The following SWT1 variants were observed in gnomAD, a reference collection of about 807,000 sequenced individuals.
SWT1 encodes SWT1 RNA endoribonuclease homolog.
Under a neutral mutation model 107.3 loss-of-function variants are expected in SWT1, and 33 were observed. That is an observed-to-expected ratio of 0.31 (90% CI 0.23 to 0.41). SWT1 has a LOEUF of 0.41. SWT1 is among the 10% of genes least tolerant of loss of function. The pLI, the probability that SWT1 is intolerant of heterozygous loss-of-function variation, is 1.00. For synonymous variants in SWT1, 345 were observed against 348.3 expected (o/e 0.99, Z 0.11); for missense variants, 898 against 1,028.9 (o/e 0.87, Z 1.74).
At chr1:185,178,596 C>G (rs143828551) in intron 5 of SWT1, among the ~76,000 whole-genome samples, 2 of 151,850 alleles carry the variant, frequency 1.3e-5, no homozygotes, top group South Asian at 4.2e-4. Context: ...CTGGATTGTT[C>G]GGTGGTGGAA....
intron 15 of SWT1, among the ~76,000 whole-genome samples, chr1:185,225,915 G>A (rs1457802019): frequency 2.0e-5 from 3 of 152,110 alleles, no homozygotes; most frequent in African/African-American, 7.2e-5. Flanking sequence ...CTATCTACTG[G>A]CTTTATAACC....
At chr1:185,237,843 A>T (rs1171168965) in intron 16 of SWT1, among the ~76,000 whole-genome samples, 1 of 152,174 alleles carries the variant, frequency 6.6e-6, no homozygotes, top group East Asian at 1.9e-4. Flanking sequence ...TTTAGCATGT[A>T]TTGCTTACAT....
intron 16 of SWT1, among the ~76,000 whole-genome samples, chr1:185,260,141 C>G (rs1255216413): frequency 1.3e-5 from 2 of 151,928 alleles, no homozygotes; most frequent in African/African-American, 4.8e-5. Context: ...TTAGGTGGTA[C>G]CAAATAGATA....
rs1446842164 is a variant in SWT1 at position 185,184,877 on chromosome 1, A to G, written c.1375A>G (p.Asn459Asp). The G allele has an allele frequency of 6.5e-7, 1 of 1,542,084 alleles. No homozygotes were observed. Among genetic ancestry groups the G allele is most frequent in the African/African-American group, 1.4e-5 (1 of 70,686 alleles). ...AVHFINDSLKNQDRKLWGQSI... is the reference protein window; with the variant it reads ...AVHFINDSLKDQDRKLWGQSI... ...TCATTTCATCAACGACAGTCTCAAA[A>G]ATCAAGATAGAAAGCTATGGGGTCA... Residue 459 changes from asparagine to aspartate, a missense_variant, in exon 9 of 19, where the codon AAT (asparagine) becomes GAT (aspartate). This residue lies in a region of SWT1 where 34 missense variants were observed against 50.2 expected (regional missense o/e 0.68). Coordinates refer to ENST00000367500, the MANE Select transcript of SWT1 (RefSeq NM_017673.7).
At chr1:185,187,486 G>A (rs1656591343) in intron 9 of SWT1, among the ~76,000 whole-genome samples, 1 of 151,868 alleles carries the variant, frequency 6.6e-6, no homozygotes, top group South Asian at 2.1e-4. Flanking sequence ...TCATTTGTTT[G>A]CCAAGTATTT....
intron 14 of SWT1, among the ~76,000 whole-genome samples, chr1:185,219,110 T>A (rs531593542): frequency 1.3e-5 from 2 of 152,320 alleles, no homozygotes; most frequent in East Asian, 3.9e-4. Context: ...AAATTCAGAA[T>A]TTAAGGTAAA....
intron 7 of SWT1, among the ~76,000 whole-genome samples, chr1:185,182,613 C>T (rs1656107874): frequency 7.4e-6 from 1 of 135,920 alleles, no homozygotes. Context: ...TGCAGTGTGC[C>T]AAGATTGTGC....
chr1:185,201,146 G>T (rs1010372890), intron 10 of SWT1, among the ~76,000 whole-genome samples: 1 of 152,116 alleles, frequency 6.6e-6, no homozygotes, highest in African/African-American at 2.4e-5. Context: ...TGCTGTGCTG[G>T]CAGCAAGAAT....
At chr1:185,158,496 C>A (rs976546513) in intron 1 of SWT1, among the ~76,000 whole-genome samples, 27 of 149,784 alleles carry the variant, frequency 1.8e-4, no homozygotes, top group Non-Finnish European at 2.5e-4. Context: ...TCCAATAATT[C>A]TTGTTCTCAT....
intron 18 of SWT1, among the ~76,000 whole-genome samples, chr1:185,279,230 T>C (rs576875021): frequency 6.6e-6 from 1 of 152,320 alleles, no homozygotes; most frequent in South Asian, 2.1e-4. Context: ...ACCTTAGCCG[T>C]ATTTTTTAGT....
At chr1:185,221,683 T>C (rs1172652876) in intron 14 of SWT1, among the ~76,000 whole-genome samples, 166 bp from the exon 15 acceptor site, 1 of 152,212 alleles carries the variant, frequency 6.6e-6, no homozygotes, top group Non-Finnish European at 1.5e-5. Context: ...GAAAATATCT[T>C]TTCTAGCTCT....
rs985111203 is a variant in SWT1 at position 185,276,547 on chromosome 1, G to T, written c.2509-57G>T. 523 of 1,000,644 alleles carry T rather than the reference G, an allele frequency of 5.2e-4. 1 individual carries two copies. The highest frequency in any genetic ancestry group is 1.9e-4 in the Non-Finnish European group (127 of 669,688). 62.0% of individuals were successfully genotyped at this position (1,000,644 alleles called of 1,614,324 possible). A position where few individuals can be genotyped will look rare whatever the true frequency, so the allele number is the denominator to read the frequency against. ...TCAGAATATGGGCTACTCTAATTTT[G>T]CTGTCATCACTCACTTTAATATATA... On this transcript the variant is annotated intron_variant, in intron 17 of 18. Transcript: ENST00000367500.
chr1:185,190,046 C>T (rs1391203947), intron 9 of SWT1, among the ~76,000 whole-genome samples: 1 of 151,972 alleles, frequency 6.6e-6, no homozygotes, highest in African/African-American at 2.4e-5. Flanking sequence ...TGGGGTTTTA[C>T]CATGTTAGCC....
At chr1:185,220,020 C>T (rs1385237579) in intron 14 of SWT1, among the ~76,000 whole-genome samples, 2 of 151,320 alleles carry the variant, frequency 1.3e-5, no homozygotes. Flanking sequence ...TGGCTTGCAC[C>T]GCTGGTCCCA....
intron 11 of SWT1, among the ~76,000 whole-genome samples, chr1:185,204,209 C>A (rs935452052): frequency 6.6e-6 from 1 of 151,434 alleles, no homozygotes; most frequent in Admixed American, 6.6e-5. Flanking sequence ...ACTCAGGAGG[C>A]AGAGGTTTCA....
chr1:185,191,533 C>T (rs969657548), intron 10 of SWT1, among the ~76,000 whole-genome samples: 2 of 152,116 alleles, frequency 1.3e-5, no homozygotes, highest in African/African-American at 4.8e-5. Flanking sequence ...TTAGCCCTAA[C>T]ATGTTTCTTG....
intron 15 of SWT1, chr1:185,227,425 G>C: frequency 1.5e-6 from 1 of 654,644 alleles, no homozygotes. Flanking sequence ...TAATTTTTCA[G>C]GCCAGCCTTC....
At chr1:185,196,075 T>C (rs1194938711) in intron 10 of SWT1, among the ~76,000 whole-genome samples, 1 of 152,238 alleles carries the variant, frequency 6.6e-6, no homozygotes, top group Non-Finnish European at 1.5e-5. Flanking sequence ...CCCATGCCTA[T>C]GTCCTGAATG....
At chr1:185,289,035 A>C (rs574350542) in intron 18 of SWT1, among the ~76,000 whole-genome samples, 2 of 152,148 alleles carry the variant, frequency 1.3e-5, no homozygotes, top group African/African-American at 2.4e-5. Context: ...AACTCTGTCA[A>C]CTTCCTTACC....
Sources: allele counts gnomAD v4.1 joint callset (sites outside exome capture counted in the v4.1 genomes callset), GRCh38; gene constraint gnomAD v4.1.1; regional missense constraint gnomAD v4.1.1; transcripts MANE v1.5; gene names NCBI Gene and HGNC (gene_info 2026-07-23, HGNC 2026-07-21).